GAREM1: variants seen among roughly 807,000 people sequenced by gnomAD.
The protein encoded by GAREM1 is GRB2 associated regulator of MAPK1 subtype 1.
Under a neutral mutation model 71.3 loss-of-function variants are expected in GAREM1, and 26 were observed. That is an observed-to-expected ratio of 0.36 (90% CI 0.27 to 0.51). GAREM1 has a LOEUF of 0.51. Among genes scored for constraint, GAREM1 ranks in the 20% least tolerant of loss-of-function variants. The pLI, the probability that GAREM1 is intolerant of heterozygous loss-of-function variation, is 0.95. For synonymous variants in GAREM1, 440 were observed against 433.2 expected (o/e 1.02, Z -0.20); for missense variants, 1,026 against 1,103.1 (o/e 0.93, Z 0.99).
intron 2 of GAREM1, among the ~76,000 whole-genome samples, chr18:32,359,551 T>G (rs1234986900): frequency 6.6e-6 from 1 of 152,138 alleles, no homozygotes; most frequent in African/African-American, 2.4e-5. Flanking sequence ...ACTGCCTTAC[T>G]TTTACAGTTG....
At chr18:32,346,861 A>T (rs556214937) in intron 2 of GAREM1, among the ~76,000 whole-genome samples, 1 of 152,356 alleles carries the variant, frequency 6.6e-6, no homozygotes, top group South Asian at 2.1e-4. Context: ...GCAGACAGCT[A>T]CTGATCTGAA....
At chr18:32,458,881 C>G (rs1261559612) in intron 1 of GAREM1, among the ~76,000 whole-genome samples, 38 of 151,968 alleles carry the variant, frequency 2.5e-4, no homozygotes, top group Admixed American at 2.5e-3. Flanking sequence ...GCAATAAATA[C>G]CAACATTCTA....
intron 1 of GAREM1, among the ~76,000 whole-genome samples, chr18:32,455,807 A>C (rs554766750): frequency 3.4e-4 from 52 of 152,280 alleles, no homozygotes; most frequent in Admixed American, 8.5e-4. Flanking sequence ...TTCCGATTTC[A>C]TTAACTTTAT....
chr18:32,289,099 T>C (rs1174835839), intron 3 of GAREM1, among the ~76,000 whole-genome samples: 1 of 152,186 alleles, frequency 6.6e-6, no homozygotes, highest in African/African-American at 2.4e-5. Flanking sequence ...TGTTTTGTTT[T>C]TGAAGACAGG....
intron 1 of GAREM1, among the ~76,000 whole-genome samples, chr18:32,409,912 G>T (rs1352382168): frequency 6.6e-6 from 1 of 152,154 alleles, no homozygotes; most frequent in Non-Finnish European, 1.5e-5. Flanking sequence ...TGAGAGAGGG[G>T]ACTCAGATTT....
At chr18:32,277,314 T>C (rs926533249) in intron 4 of GAREM1, among the ~76,000 whole-genome samples, 1 of 152,184 alleles carries the variant, frequency 6.6e-6, no homozygotes, top group Non-Finnish European at 1.5e-5. Context: ...CGTATATGCA[T>C]GCATGTAAGC....
chr18:32,275,652 T>G (rs1246914337), intron 4 of GAREM1, among the ~76,000 whole-genome samples: 2 of 152,158 alleles, frequency 1.3e-5, no homozygotes, highest in Non-Finnish European at 1.5e-5. Flanking sequence ...CTAGCATACT[T>G]CTCTCCTCCT....
intron 1 of GAREM1, among the ~76,000 whole-genome samples, chr18:32,406,867 A>G (rs2048371424): frequency 1.3e-5 from 2 of 152,328 alleles, no homozygotes; most frequent in South Asian, 4.1e-4. Flanking sequence ...AGGAAGGAAC[A>G]GACACTGGTA....
At chr18:32,306,464 C>CT (rs1033063787) in intron 3 of GAREM1, among the ~76,000 whole-genome samples, 13 of 138,424 alleles carry the variant, frequency 9.4e-5, no homozygotes. Flanking sequence ...TTAGCAGCAA[C>CT]CCCCCCCACC....
intron 2 of GAREM1, among the ~76,000 whole-genome samples, chr18:32,326,045 TCTTACAGTAACC>T (rs2047472207): frequency 6.6e-6 from 1 of 152,222 alleles, no homozygotes; most frequent in South Asian, 2.1e-4. Context: ...ATTAGCTCCT[TCTTACAGTAACC>T]CTGGAAAAAC....
intron 2 of GAREM1, among the ~76,000 whole-genome samples, chr18:32,371,979 T>C (rs1432233448): frequency 6.6e-6 from 1 of 152,084 alleles, no homozygotes; most frequent in Non-Finnish European, 1.5e-5. Flanking sequence ...CAATGAGTTA[T>C]GAAGTAAATG....
chr18:32,289,253 A>G (rs2047055516), intron 3 of GAREM1, among the ~76,000 whole-genome samples: 1 of 152,062 alleles, frequency 6.6e-6, no homozygotes, highest in Non-Finnish European at 1.5e-5. Flanking sequence ...TAATATGCAT[A>G]TATTTGAAAG....
chr18:32,351,727 C>G (rs1450975180), intron 2 of GAREM1, among the ~76,000 whole-genome samples: 1 of 149,042 alleles, frequency 6.7e-6, no homozygotes, highest in African/African-American at 2.5e-5. Flanking sequence ...CTTACACAGA[C>G]AGAACACATC....
intron 2 of GAREM1, among the ~76,000 whole-genome samples, chr18:32,348,852 ATT>A (rs778392138): frequency 3.3e-5 from 5 of 152,194 alleles, no homozygotes; most frequent in Non-Finnish European, 5.9e-5. Context: ...ATGTACTGAT[ATT>A]TTGTTTCTTA....
intron 4 of GAREM1, among the ~76,000 whole-genome samples, chr18:32,273,043 T>G (rs2041486442): frequency 6.6e-6 from 1 of 152,248 alleles, no homozygotes; most frequent in Non-Finnish European, 1.5e-5. Context: ...TTAGGGTGGA[T>G]GGCTGTCACT....
At chr18:32,334,726 A>G (rs1287553952) in intron 2 of GAREM1, among the ~76,000 whole-genome samples, 2 of 152,142 alleles carry the variant, frequency 1.3e-5, no homozygotes, top group Non-Finnish European at 2.9e-5. Context: ...GGATATCCTA[A>G]TTTTGTCTAC....
At chr18:32,468,126 T>C (rs571746412) in intron 1 of GAREM1, among the ~76,000 whole-genome samples, 2 of 152,310 alleles carry the variant, frequency 1.3e-5, no homozygotes, top group East Asian at 1.9e-4. Flanking sequence ...AATTTGACAA[T>C]GTGTATCAAG....
intron 1 of GAREM1, among the ~76,000 whole-genome samples, chr18:32,456,515 A>G (rs1421839058): frequency 6.6e-6 from 1 of 152,164 alleles, no homozygotes; most frequent in East Asian, 1.9e-4. Context: ...CTTTTTGGAT[A>G]GCATTCTGGC....
chr18:32,358,923 A>C (rs999061210), intron 2 of GAREM1, among the ~76,000 whole-genome samples: 1 of 152,152 alleles, frequency 6.6e-6, no homozygotes, highest in Non-Finnish European at 1.5e-5. Context: ...GAATTTCAAA[A>C]CGGCGACAGC....
Sources: allele counts gnomAD v4.1 joint callset (sites outside exome capture counted in the v4.1 genomes callset), GRCh38; gene constraint gnomAD v4.1.1; transcripts MANE v1.5; gene names NCBI Gene and HGNC (gene_info 2026-07-23, HGNC 2026-07-21).